The following SHLD2 variants were observed in gnomAD, a reference collection of about 807,000 sequenced individuals.
The protein encoded by SHLD2 is shieldin complex subunit 2.
A neutral mutation model predicts 73.2 loss-of-function variants in SHLD2; 30 were observed. The ratio of observed to expected loss-of-function variants is 0.41; its 90% CI spans 0.31 to 0.56. The LOEUF is 0.56. Among genes scored for constraint, SHLD2 ranks in the 20% least tolerant of loss-of-function variants. The pLI, the probability that SHLD2 is intolerant of heterozygous loss-of-function variation, is 0.28. For synonymous variants in SHLD2, 285 were observed against 370.1 expected (o/e 0.77, Z 2.64); for missense variants, 745 against 1,055.9 (o/e 0.71, Z 4.08).
At chr10:87,150,388 C>T (rs1000616557) in intron 2 of SHLD2, among the ~76,000 whole-genome samples, 4 of 151,962 alleles carry the variant, frequency 2.6e-5, no homozygotes, top group Admixed American at 2.6e-4. Flanking sequence ...TTAAAGGTGA[C>T]TGTAATATAG....
At chr10:87,115,876 G>T (rs557428572) in intron 2 of SHLD2, among the ~76,000 whole-genome samples, 48 of 152,316 alleles carry the variant, frequency 3.2e-4, no homozygotes, top group African/African-American at 1.2e-3. Flanking sequence ...GGAGTGATCT[G>T]AGAGGTGGAA....
intron 2 of SHLD2, among the ~76,000 whole-genome samples, chr10:87,118,096 C>T (rs1307229473): frequency 6.6e-6 from 1 of 152,102 alleles, no homozygotes; most frequent in Non-Finnish European, 1.5e-5. Context: ...TTATTGTTTC[C>T]AGTCTTTACA....
chr10:87,147,071 A>AAAAAAAAAAC (rs1845667030), intron 2 of SHLD2, among the ~76,000 whole-genome samples: 1 of 144,534 alleles, frequency 6.9e-6, no homozygotes, highest in Non-Finnish European at 1.5e-5. Context: ...AAAAAAAAAA[A>AAAAAAAAAAC]GAAAAAAAAA....
chr10:87,147,842 C>T (rs1324732292), intron 2 of SHLD2, among the ~76,000 whole-genome samples: 1 of 151,992 alleles, frequency 6.6e-6, no homozygotes, highest in Non-Finnish European at 1.5e-5. Context: ...GCTGTCCCTT[C>T]CTTTTAATCC....
At chr10:87,097,969 C>G (rs1029193402) in intron 2 of SHLD2, among the ~76,000 whole-genome samples, 1 of 151,864 alleles carries the variant, frequency 6.6e-6, no homozygotes, top group Non-Finnish European at 1.5e-5. Context: ...ACAGTGTTGG[C>G]CAGGCTGTTC....
intron 4 of SHLD2, among the ~76,000 whole-genome samples, chr10:87,164,189 C>G (rs1407531477): frequency 6.6e-6 from 1 of 152,054 alleles, no homozygotes; most frequent in Non-Finnish European, 1.5e-5. Context: ...AACTCCTAAC[C>G]TCAGGTGATC....
At chr10:87,139,820 G>C (rs1589531712) in intron 2 of SHLD2, among the ~76,000 whole-genome samples, 1 of 151,992 alleles carries the variant, frequency 6.6e-6, no homozygotes, top group Non-Finnish European at 1.5e-5. Flanking sequence ...GTGAGACTTT[G>C]TCTCAAAAAA....
chr10:87,148,748 A>T (rs1161989938), intron 2 of SHLD2, among the ~76,000 whole-genome samples: 1 of 152,298 alleles, frequency 6.6e-6, no homozygotes, highest in South Asian at 2.1e-4. Context: ...AACTCAAAAA[A>T]TAAAATAAAA....
At chr10:87,157,579 T>G (rs562555792) in intron 3 of SHLD2, among the ~76,000 whole-genome samples, 2 of 152,358 alleles carry the variant, frequency 1.3e-5, no homozygotes, top group Non-Finnish European at 2.9e-5. Flanking sequence ...ATAATTATAG[T>G]GCTATTTAGG....
chr10:87,174,847 GGC>G (rs1208292168), intron 6 of SHLD2, among the ~76,000 whole-genome samples: 1 of 152,222 alleles, frequency 6.6e-6, no homozygotes, highest in African/African-American at 2.4e-5. Flanking sequence ...CCGGCGTGGT[GGC>G]TCCCGCCTGT....
chr10:87,159,886 T>C (rs1846685750), intron 4 of SHLD2, among the ~76,000 whole-genome samples: 1 of 152,172 alleles, frequency 6.6e-6, no homozygotes, highest in African/African-American at 2.4e-5. Flanking sequence ...GGAAATGTCA[T>C]ATAAGAACTG....
chr10:87,181,391 C>T (rs1481713147), intron 8 of SHLD2, among the ~76,000 whole-genome samples: 4 of 150,926 alleles, frequency 2.7e-5, no homozygotes, highest in Non-Finnish European at 5.9e-5. Flanking sequence ...GTCTCAAAAT[C>T]AAAACAAAAA....
chr10:87,173,238 G>A (rs1432409398), intron 6 of SHLD2, among the ~76,000 whole-genome samples: 1 of 151,778 alleles, frequency 6.6e-6, no homozygotes, highest in Non-Finnish European at 1.5e-5. Flanking sequence ...ATGTTGGCCA[G>A]GCTGGTCTCG....
At chr10:87,157,002 A>G (rs1846478362) in intron 3 of SHLD2, among the ~76,000 whole-genome samples, 1 of 152,140 alleles carries the variant, frequency 6.6e-6, no homozygotes, top group Non-Finnish European at 1.5e-5. Flanking sequence ...GTGGTGGGGC[A>G]TGGGCACATT....
chr10:87,150,659 C>T (rs1344964499), intron 2 of SHLD2, among the ~76,000 whole-genome samples: 6 of 151,498 alleles, frequency 4.0e-5, no homozygotes, highest in Non-Finnish European at 1.5e-5. Context: ...AATCAGGGGG[C>T]TGAAGCAGGA....
At chr10:87,161,503 AATGATAGTGAAAAACTCATTTACTATAG>A (rs1213878455) in intron 4 of SHLD2, among the ~76,000 whole-genome samples, 1 of 152,170 alleles carries the variant, frequency 6.6e-6, no homozygotes, top group African/African-American at 2.4e-5. Context: ...CAGAGGGCAT[AATGATAGTGAAAAACTCATTTACTATAG>A]TAATAAAGAA....
intron 2 of SHLD2, among the ~76,000 whole-genome samples, chr10:87,143,360 A>G (rs530402345): frequency 2.9e-4 from 44 of 152,222 alleles, no homozygotes; most frequent in Middle Eastern, 3.4e-3. Context: ...CTGGGCTGAG[A>G]CATTTTCTAT....
At chr10:87,150,852 A>C (rs1488395860) in intron 2 of SHLD2, among the ~76,000 whole-genome samples, 7 of 151,466 alleles carry the variant, frequency 4.6e-5, no homozygotes, top group Non-Finnish European at 1.0e-4. Flanking sequence ...TTTGAGATGG[A>C]GTCTCACTCT....
chr10:87,148,599 T>A (rs1441648920), intron 2 of SHLD2, among the ~76,000 whole-genome samples: 1 of 151,018 alleles, frequency 6.6e-6, no homozygotes, highest in South Asian at 2.1e-4. Flanking sequence ...GATTTGTAGC[T>A]GAGCGTGACA....
Sources: allele counts gnomAD v4.1 joint callset (sites outside exome capture counted in the v4.1 genomes callset), GRCh38; gene constraint gnomAD v4.1.1; transcripts MANE v1.5; gene names NCBI Gene and HGNC (gene_info 2026-07-23, HGNC 2026-07-21).